Variants in PYCR1 observed in about 807,000 individuals in gnomAD.
The protein encoded by PYCR1 is pyrroline-5-carboxylate reductase 1, also known as pyrroline-5-carboxylate reductase 1, mitochondrial.
PYCR1 carries 19 observed loss-of-function variants against 22.9 expected under a neutral mutation model. The ratio of observed to expected loss-of-function variants is 0.83; its 90% CI spans 0.58 to 1.22. The LOEUF (loss-of-function observed/expected upper bound fraction) is 1.22. Ranked by LOEUF, PYCR1 falls within the 50% of genes most tolerant of loss-of-function variation. PYCR1 has a pLI of 0.00. For missense variants in PYCR1, 429 were observed against 431.3 expected (o/e 0.99, Z 0.05); for synonymous variants, 175 against 180.5 (o/e 0.97, Z 0.24).
At chr17:81,936,257 G>GC in intron 1 of PYCR1, 64 bp from the exon 2 acceptor site, 1 of 1,503,754 alleles carries the variant, frequency 6.7e-7, no homozygotes, top group Non-Finnish European at 9.1e-7. Context: ...ACGGAGTCTC[G>GC]CTGTGTTGCC....
intron 2 of PYCR1, 94 bp from the exon 3 acceptor site, chr17:81,935,610 C>T: frequency 6.4e-6 from 4 of 625,542 alleles, no homozygotes; most frequent in Non-Finnish European, 1.1e-5. Context: ...ACAGAGAATG[C>T]TGGAGTTGGG....
At position 81,932,934 on chromosome 17, in the gene PYCR1, C is replaced by T. The variant is rs752942406; in HGVS notation, c.*280G>A. 5.6e-6 allele frequency: 9 copies of T among 1,611,940 alleles called. No individual in the cohort carries two copies. Among genetic ancestry groups the T allele is most frequent in the East Asian group, 4.5e-5 (2 of 44,856 alleles). ...GGAGTAGGAGTGGGTGAAGACCCTC[C>T]GGGCTCCCGAGCTCTAGAGGAAGGT... On this transcript the variant is annotated 3_prime_UTR_variant, in exon 7 of 7. Coordinates refer to ENST00000329875, the MANE Select transcript of PYCR1 (RefSeq NM_006907.4).
intron 1 of PYCR1, 94 bp from the exon 2 acceptor site, chr17:81,936,287 G>A (rs961625669): frequency 1.5e-4 from 188 of 1,219,390 alleles, no homozygotes; most frequent in African/African-American, 3.2e-4. Context: ...GTGCAGTGGC[G>A]CAATCTCGGC....
rs1233837747 is a variant in PYCR1 at position 81,935,994 on chromosome 17, G to A, written c.138+129C>T. ...CAAGAGCAATCAGCAGGGCGAGGAGGTGGGGTCCATGAGACCCCAGCCCAG... is the reference window on the plus strand; with the variant it reads ...CAAGAGCAATCAGCAGGGCGAGGAGATGGGGTCCATGAGACCCCAGCCCAG... On this transcript the variant is annotated intron_variant, in intron 2 of 6. Coordinates refer to ENST00000329875, the MANE Select transcript of PYCR1 (RefSeq NM_006907.4). The A allele has an allele frequency of 1.7e-5, 16 of 960,822 alleles. No homozygotes were observed. In the South Asian group the frequency reaches 2.0e-4, roughly 12 times the overall value. 59.5% of individuals were successfully genotyped at this position (960,822 alleles called of 1,614,324 possible). A position where few individuals can be genotyped will look rare whatever the true frequency, so the allele number is the denominator to read the frequency against.
intron 6 of PYCR1, among the ~76,000 whole-genome samples, chr17:81,933,604 C>T (rs1056063577): frequency 6.6e-6 from 1 of 152,220 alleles, no homozygotes; most frequent in African/African-American, 2.4e-5. Flanking sequence ...GCCCCCCAGA[C>T]CTGAGTTCTC....
rs572930123 is a variant in PYCR1 at position 81,935,984 on chromosome 17, G to A, written c.138+139C>T. ...ACCCAGGTCCCAAGAGCAATCAGCA[G>A]GGCGAGGAGGTGGGGTCCATGAGAC... On this transcript the variant is annotated intron_variant, in intron 2 of 6. Transcript: ENST00000329875. 13 of 879,740 alleles carry A rather than the reference G, an allele frequency of 1.5e-5. No homozygotes were observed. The East Asian group carries it at 1.8e-4, about 12-fold the overall frequency. The allele number at this position is 879,740 out of a possible 1,614,324, so 54.5% of individuals were successfully genotyped here.
chr17:81,934,913 C>T lies in PYCR1; in HGVS notation c.540+13G>A. On this transcript the variant is annotated intron_variant, in intron 4 of 6. Coordinates refer to ENST00000329875, the MANE Select transcript of PYCR1 (RefSeq NM_006907.4). Reference sequence around the variant, plus strand: ...AAGTGCCCGCCGCCGCCAGCTTCCCCCGCAGTCCTTACGTAGGCGGGGCCG... The same window carrying T: ...AAGTGCCCGCCGCCGCCAGCTTCCCTCGCAGTCCTTACGTAGGCGGGGCCG... 1.2e-6 allele frequency: 2 copies of T among 1,609,874 alleles called. No homozygotes were observed. Among genetic ancestry groups the T allele is most frequent in the Non-Finnish European group, 1.7e-6 (2 of 1,179,842 alleles).
chr17:81,935,172 T>A (rs757669269), intron 3 of PYCR1, 25 bp from the exon 4 acceptor site: 5 of 1,593,054 alleles, frequency 3.1e-6, no homozygotes, highest in Non-Finnish European at 4.3e-6. Context: ...AGCGTGTCCG[T>A]CTGGCCATGG....
intron 2 of PYCR1, 55 bp from the exon 3 acceptor site, chr17:81,935,571 C>A: frequency 7.3e-7 from 1 of 1,364,178 alleles, no homozygotes; most frequent in Non-Finnish European, 9.8e-7. Flanking sequence ...GTACCCCCAC[C>A]AAGCCAAGAG....
In PYCR1 at chr17:81,936,819, T is replaced by A. The variant is rs1361916927; in HGVS notation, c.-5A>T. The A allele has an allele frequency of 6.2e-7, 1 of 1,607,428 alleles. No homozygotes were observed. Among genetic ancestry groups the A allele is most frequent in the Non-Finnish European group, 8.5e-7 (1 of 1,177,944 alleles). ...GCCGATGAAGCCCACGCTCATGCTG[T>A]CCGGAGACCCCTGGCCCAAAGCCCC... On this transcript the variant is annotated 5_prime_UTR_variant, in exon 1 of 7. Transcript: ENST00000329875.
In PYCR1 at chr17:81,933,017, C is replaced by G; in HGVS notation, c.*197G>C. On this transcript the variant is annotated 3_prime_UTR_variant, in exon 7 of 7. Transcript: ENST00000329875. The stretch of plus-strand genomic sequence containing the variant: ...GGAGGTTGAGGTTGGGGAATCCACC[C>G]CTGTTCTGGGCTGGGAAGCACTTGC... 6.3e-7 allele frequency: 1 copy of G among 1,586,638 alleles called. No homozygotes were observed. Among genetic ancestry groups the G allele is most frequent in the Non-Finnish European group, 8.6e-7 (1 of 1,168,844 alleles).
In PYCR1 at chr17:81,937,009, C is replaced by T. The variant is rs1050097226; in HGVS notation, c.-195G>A. On this transcript the variant is annotated 5_prime_UTR_variant, in exon 1 of 7. Coordinates refer to ENST00000329875, the MANE Select transcript of PYCR1 (RefSeq NM_006907.4). ...TCCGGCCCGTTAACTGCTTCGGGGC[C>T]CCCAGTCAGAGCGGCGGTGCCTGGC... is the stretch of plus-strand genomic sequence containing the variant. 6.8e-7 allele frequency: 1 copy of T among 1,463,726 alleles called. No individual in the cohort carries two copies. The highest frequency in any genetic ancestry group is 1.4e-5 in the African/African-American group (1 of 71,228). 90.7% of individuals were successfully genotyped at this position (1,463,726 alleles called of 1,614,324 possible). A position where few individuals can be genotyped will look rare whatever the true frequency, so the allele number is the denominator to read the frequency against.
At position 81,932,824 on chromosome 17, in the gene PYCR1, G is replaced by A. The variant is rs1817585581; in HGVS notation, c.*390C>T. 1.3e-6 allele frequency: 2 copies of A among 1,568,818 alleles called. No individual in the cohort carries two copies. The highest frequency in any genetic ancestry group is 3.7e-5 in the Admixed American group (2 of 54,324). On this transcript the variant is annotated 3_prime_UTR_variant, in exon 7 of 7. Transcript: ENST00000329875. ...GGAGGGCAGGGAGGGGCCGGGAGGG[G>A]GCGTGGGATCCCACCTCTGCTGAGC...
In PYCR1 at chr17:81,932,838, C is replaced by A. The variant is rs1319384635; in HGVS notation, c.*376G>T. On this transcript the variant is annotated 3_prime_UTR_variant, in exon 7 of 7. Transcript: ENST00000329875. ...GGCCGGGAGGGGGCGTGGGATCCCA[C>A]CTCTGCTGAGCCTTCACAGAGGGGG... 6.3e-7 allele frequency: 1 copy of A among 1,586,146 alleles called. No homozygotes were observed. The highest frequency in any genetic ancestry group is 8.6e-7 in the Non-Finnish European group (1 of 1,167,848).
rs1339275149 is a variant in PYCR1, at chr17:81,933,355, G to C, written c.819C>G (p.Asp273Glu). ...IRTRELQSMA[D>E]QEQVSPAAIK... ...TGGCGGCTGGTGACACCTGCTCCTG[G>C]TCAGCCATGGACTGCAGCTCCCTAG... The change falls in exon 7 of 7, where the codon GAC becomes GAG. Residue 273 changes from aspartate (D) to glutamate (E), a missense_variant. Transcript: ENST00000329875. The C allele has an allele frequency of 6.2e-7, 1 of 1,613,734 alleles. No homozygotes were observed. Among genetic ancestry groups the C allele is most frequent in the Non-Finnish European group, 8.5e-7 (1 of 1,180,022 alleles).
chr17:81,932,710 C>T lies in PYCR1; in HGVS notation c.*504G>A. 1.0e-6 allele frequency: 1 copy of T among 977,364 alleles called. No homozygotes were observed. The allele number at this position is 977,364 out of a possible 1,614,324, so 60.5% of individuals were successfully genotyped here. A position where few individuals can be genotyped will look rare whatever the true frequency, so the allele number is the denominator to read the frequency against. On this transcript the variant is annotated 3_prime_UTR_variant, in exon 7 of 7. Transcript: ENST00000329875. Reference sequence around the variant, plus strand: ...CCATGGGATCTGCGTGCTTGGCAGCCAAGAGGGGCTGTGGCCCTTCACGCT... The same window carrying T: ...CCATGGGATCTGCGTGCTTGGCAGCTAAGAGGGGCTGTGGCCCTTCACGCT...
intron 2 of PYCR1, 93 bp from the exon 3 acceptor site, chr17:81,935,609 G>T (rs2143889124): frequency 2.6e-6 from 3 of 1,139,358 alleles, no homozygotes; most frequent in African/African-American, 1.6e-5. Context: ...CACAGAGAAT[G>T]CTGGAGTTGG....
Position 81,935,393 on chromosome 17 carries a change from C to G in PYCR1, c.262G>C (p.Asp88His). The change falls in exon 3 of 7, where the codon GAC (aspartate) becomes CAC (histidine). Residue 88 changes from aspartate (D) to histidine (H), a missense_variant. Coordinates refer to ENST00000329875, the MANE Select transcript of PYCR1 (RefSeq NM_006907.4). ...ILDEIGADIE[D>H]RHIVVSCAAG... ...GCGCAGGACACCACAATGTGTCTGTCCTCAATGTCGGCGCCTATTTCATCC... is the reference window on the plus strand; with the variant it reads ...GCGCAGGACACCACAATGTGTCTGTGCTCAATGTCGGCGCCTATTTCATCC... 6.2e-7 allele frequency: 1 copy of G among 1,613,588 alleles called. No homozygotes were observed. Among genetic ancestry groups the G allele is most frequent in the Non-Finnish European group, 8.5e-7 (1 of 1,180,006 alleles).
At position 81,937,232 on chromosome 17, in the gene PYCR1, A is replaced by G; in HGVS notation, c.-418T>C. On this transcript the variant is annotated 5_prime_UTR_variant, in exon 1 of 7. Coordinates refer to ENST00000329875, the MANE Select transcript of PYCR1 (RefSeq NM_006907.4). ...CCACCATTCCCGGAGCCCGACCCCAACCCAGCTACCGTGCGCGGGTCGTAC... is the reference window on the plus strand; with the variant it reads ...CCACCATTCCCGGAGCCCGACCCCAGCCCAGCTACCGTGCGCGGGTCGTAC... 6.9e-7 allele frequency: 1 copy of G among 1,451,894 alleles called. No homozygotes were observed. The highest frequency in any genetic ancestry group is 9.0e-7 in the Non-Finnish European group (1 of 1,105,134). 89.9% of individuals were successfully genotyped at this position (1,451,894 alleles called of 1,614,324 possible).
Sources: gnomAD v4.1 joint callset for allele counts (sites outside exome capture counted in the v4.1 genomes callset) on GRCh38, gnomAD v4.1.1 for gene constraint, MANE v1.5 for transcripts, NCBI Gene and HGNC (gene_info 2026-07-23, HGNC 2026-07-21) for gene names.